SORCS3: variants seen among roughly 807,000 people sequenced by gnomAD.
SORCS3 encodes the protein VPS10 domain-containing receptor SorCS3.
Under a neutral mutation model 146.3 loss-of-function variants are expected in SORCS3, and 57 were observed. That is an observed-to-expected ratio of 0.39 (90% CI 0.31 to 0.49). SORCS3 has a LOEUF of 0.49. Among genes scored for constraint, SORCS3 ranks in the 20% least tolerant of loss-of-function variants. The probability of loss-of-function intolerance (pLI) is 0.92; values close to 1 mark genes in which losing one functional copy is unlikely to be tolerated. For synonymous variants in SORCS3, 653 were observed against 618.5 expected (o/e 1.06, Z -0.83); for missense variants, 1,341 against 1,575.5 (o/e 0.85, Z 2.52).
chr10:105,150,495 T>G (rs899517289), intron 9 of SORCS3, among the ~76,000 whole-genome samples: 3 of 152,080 alleles, frequency 2.0e-5, no homozygotes, highest in Non-Finnish European at 4.4e-5. Flanking sequence ...TGACTGTCAG[T>G]CCTTTTGCCC....
chr10:104,983,386 T>C (rs2054942813), intron 4 of SORCS3, among the ~76,000 whole-genome samples: 1 of 152,218 alleles, frequency 6.6e-6, no homozygotes, highest in African/African-American at 2.4e-5. Context: ...AGTAACCTGA[T>C]ACATTTATTA....
At chr10:104,927,472 G>A (rs1179832919) in intron 3 of SORCS3, among the ~76,000 whole-genome samples, 1 of 152,228 alleles carries the variant, frequency 6.6e-6, no homozygotes, top group African/African-American at 2.4e-5. Context: ...TCTTGAGAGA[G>A]TCAGGCTGGA....
At position 105,157,155 on chromosome 10, in the gene SORCS3, G is replaced by C; in HGVS notation, c.1500G>C (p.Gly500=). 1.2e-6 allele frequency: 2 copies of C among 1,613,922 alleles called. No homozygotes were observed. Among genetic ancestry groups the C allele is most frequent in the Middle Eastern group, 3.3e-4 (2 of 6,058 alleles). ...IELYEVAGIK[G]IFLANKKVDD... ...TTTCCTAGGTAGCAGGTATCAAAGG[G>C]ATATTTCTGGCAAACAAGAAGGTGG... The change falls in exon 10 of 27, where the codon GGG becomes GGC. Residue 500 remains glycine (G), a synonymous_variant. Transcript: ENST00000369701.
chr10:105,184,639 TAA>T (rs1241119520), intron 14 of SORCS3, among the ~76,000 whole-genome samples: 1 of 152,204 alleles, frequency 6.6e-6, no homozygotes, highest in Non-Finnish European at 1.5e-5. Flanking sequence ...CTTATTTCTT[TAA>T]AAAAGTTTTA....
chr10:104,899,056 C>T (rs1355786321), intron 2 of SORCS3, among the ~76,000 whole-genome samples: 1 of 152,198 alleles, frequency 6.6e-6, no homozygotes, highest in Non-Finnish European at 1.5e-5. Context: ...GTTTTTCTAG[C>T]ATCTAGCATA....
intron 5 of SORCS3, among the ~76,000 whole-genome samples, chr10:105,070,635 C>T (rs2133725619): frequency 6.6e-6 from 1 of 152,322 alleles, no homozygotes; most frequent in Non-Finnish European, 1.5e-5. Flanking sequence ...CTCTACAAAT[C>T]ACAGGACCCT....
intron 2 of SORCS3, among the ~76,000 whole-genome samples, chr10:104,856,255 T>G (rs1401233853): frequency 6.6e-6 from 1 of 151,664 alleles, no homozygotes; most frequent in African/African-American, 2.4e-5. Flanking sequence ...CCCTTCCAGG[T>G]GCCCCTAATT....
At chr10:104,794,194 T>A (rs1319756081) in intron 1 of SORCS3, among the ~76,000 whole-genome samples, 2 of 152,180 alleles carry the variant, frequency 1.3e-5, no homozygotes, top group Non-Finnish European at 2.9e-5. Flanking sequence ...CCAAATACTT[T>A]GTACTATTGT....
chr10:105,046,514 G>T (rs115894442), intron 5 of SORCS3, among the ~76,000 whole-genome samples: 5 of 152,042 alleles, frequency 3.3e-5, no homozygotes, highest in Non-Finnish European at 7.4e-5. Context: ...CATGTCTCTC[G>T]TCTGTTCCGT....
intron 19 of SORCS3, among the ~76,000 whole-genome samples, 192 bp from the exon 20 acceptor site, chr10:105,222,924 T>C (rs1487831596): frequency 6.6e-6 from 1 of 152,204 alleles, no homozygotes; most frequent in East Asian, 1.9e-4. Context: ...ATCTGAAACT[T>C]GATTTGAGTT....
In SORCS3 at chr10:104,652,979, C is replaced by A. The variant is rs1442399686; in HGVS notation, c.627+11025C>A. ...TAAGACATGTGCTAATTGGAGCATG[C>A]TTAGGAAATAACTTGAACATAATCA... On this transcript the variant is annotated intron_variant, in intron 1 of 26. Transcript: ENST00000369701. Among the ~76,000 whole-genome samples the A allele has an allele frequency of 2.6e-5, 4 of 152,096 alleles. No individual in the cohort carries two copies. In the East Asian group the frequency reaches 5.8e-4, roughly 22 times the overall value.
intron 9 of SORCS3, 38 bp from the exon 10 acceptor site, chr10:105,157,100 G>T (rs778367893): frequency 6.2e-7 from 1 of 1,609,354 alleles, no homozygotes; most frequent in African/African-American, 1.3e-5. Context: ...AGGCATGTTG[G>T]CCCAGCATGG....
In SORCS3 at chr10:105,105,144, C is replaced by G. The variant is rs138060353; in HGVS notation, c.1094-253C>G. 2.4e-3 allele frequency among the ~76,000 whole-genome samples: 367 copies of G among 152,232 alleles called. 1 individual carries two copies. Among genetic ancestry groups the G allele is most frequent in the Middle Eastern group, 0.01 (3 of 294 alleles). ...TTCTGATACATATTTCAAATTTGTTCTTCCAAAAAGCTATACCAAATTACT... is the reference window on the plus strand; with the variant it reads ...TTCTGATACATATTTCAAATTTGTTGTTCCAAAAAGCTATACCAAATTACT... On this transcript the variant is annotated intron_variant, in intron 6 of 26. Coordinates refer to ENST00000369701, the MANE Select transcript of SORCS3 (RefSeq NM_014978.3).
chr10:104,760,936 C>A (rs563588963), intron 1 of SORCS3, among the ~76,000 whole-genome samples: 2 of 148,424 alleles, frequency 1.3e-5, no homozygotes, highest in Non-Finnish European at 1.5e-5. Flanking sequence ...TTTGTTTTAT[C>A]GAAGAAAACA....
chr10:105,262,713 T>G (rs1023622931), intron 26 of SORCS3, among the ~76,000 whole-genome samples: 6 of 152,178 alleles, frequency 3.9e-5, no homozygotes, highest in African/African-American at 1.2e-4. Context: ...GGAGTCTGAG[T>G]GGGTTAGGGA....
intron 4 of SORCS3, among the ~76,000 whole-genome samples, chr10:105,031,004 T>G (rs930371452): frequency 6.6e-6 from 1 of 151,806 alleles, no homozygotes; most frequent in East Asian, 2.0e-4. Flanking sequence ...CTTTAAAACA[T>G]GTATGTTTGG....
At chr10:105,032,180 G>A (rs1424153956) in intron 4 of SORCS3, among the ~76,000 whole-genome samples, 4 of 152,090 alleles carry the variant, frequency 2.6e-5, no homozygotes, top group Non-Finnish European at 5.9e-5. Flanking sequence ...CAACAAGAGT[G>A]AAACTCCATT....
intron 1 of SORCS3, among the ~76,000 whole-genome samples, chr10:104,717,376 C>T (rs1341545211): frequency 6.6e-6 from 1 of 151,288 alleles, no homozygotes; most frequent in Non-Finnish European, 1.5e-5. Context: ...CTGTTTTGAC[C>T]TCCTTCAGGT....
At chr10:104,657,705 AG>A (rs1024009109) in intron 1 of SORCS3, among the ~76,000 whole-genome samples, 1 of 152,202 alleles carries the variant, frequency 6.6e-6, no homozygotes, top group African/African-American at 2.4e-5. Flanking sequence ...TTCCCTCAAT[AG>A]GGGCCTTCAG....
Sources: gnomAD v4.1 joint callset for allele counts (sites outside exome capture counted in the v4.1 genomes callset) on GRCh38, gnomAD v4.1.1 for gene constraint, MANE v1.5 for transcripts, NCBI Gene and HGNC (gene_info 2026-07-23, HGNC 2026-07-21) for gene names.